Variants in EBAG9 observed in about 807,000 individuals in gnomAD.
EBAG9 encodes estrogen receptor binding site associated antigen 9.
In EBAG9, 16 loss-of-function variants were observed where a neutral mutation model predicts 30.9. The ratio of observed to expected loss-of-function variants is 0.52; its 90% CI spans 0.35 to 0.79. EBAG9 has a LOEUF of 0.79. EBAG9 is among the 30% of genes least tolerant of loss of function. The pLI is 0.01. For synonymous variants in EBAG9, 93 were observed against 82.8 expected (o/e 1.12, Z -0.67); for missense variants, 197 against 242.1 (o/e 0.81, Z 1.24).
At chr8:109,553,467 C>T (rs561369154) in intron 2 of EBAG9, among the ~76,000 whole-genome samples, 1 of 152,252 alleles carries the variant, frequency 6.6e-6, no homozygotes, top group Admixed American at 6.5e-5. Flanking sequence ...TATCAAGAAA[C>T]CCCATGTGTA....
chr8:109,560,146 A>T (rs1459706995), intron 5 of EBAG9, among the ~76,000 whole-genome samples: 1 of 152,196 alleles, frequency 6.6e-6, no homozygotes, highest in East Asian at 1.9e-4. Context: ...ACAGTCCAGC[A>T]TGACCATTTT....
chr8:109,544,300 A>G (rs966563891), intron 1 of EBAG9, among the ~76,000 whole-genome samples: 7 of 152,078 alleles, frequency 4.6e-5, no homozygotes, highest in South Asian at 2.1e-4. Flanking sequence ...GTGCTTTTTT[A>G]TTCTGGGAAA....
intron 1 of EBAG9, among the ~76,000 whole-genome samples, chr8:109,548,723 T>G (rs1370391385): frequency 6.6e-6 from 1 of 152,022 alleles, no homozygotes; most frequent in Non-Finnish European, 1.5e-5. Flanking sequence ...TTTTTATGCC[T>G]ATATAAATTT....
chr8:109,556,639 T>C (rs79728384), intron 4 of EBAG9, among the ~76,000 whole-genome samples: 2,204 of 152,204 alleles, frequency 0.014, 60 homozygotes, highest in African/African-American at 0.051. Context: ...CCTGTTGTTA[T>C]TTAATACAGT....
intron 1 of EBAG9, among the ~76,000 whole-genome samples, chr8:109,542,796 A>G (rs1008492572): frequency 9.2e-5 from 14 of 152,186 alleles, no homozygotes; most frequent in African/African-American, 2.9e-4. Flanking sequence ...AAAATACTCT[A>G]GAGAAGGGTT....
At chr8:109,563,481 A>G (rs763505736) in intron 6 of EBAG9, 1 of 1,597,576 alleles carries the variant, frequency 6.3e-7, no homozygotes, top group Admixed American at 1.7e-5. Flanking sequence ...ACCAATCAGT[A>G]AAGATAGAGA....
chr8:109,551,876 TA>T lies in EBAG9; in HGVS notation c.83+974del, dbSNP rs376025363. ...TGATTGTGGTTATTTAAGAATAAAA[TA>T]AAAATATTACTTTTTCTTTAAATGT... On this transcript the variant is annotated intron_variant, in intron 2 of 6. Coordinates refer to ENST00000337573, the MANE Select transcript of EBAG9 (RefSeq NM_004215.5). Among the ~76,000 whole-genome samples, 366 of 152,282 alleles carry T rather than the reference TA, an allele frequency of 2.4e-3. 5 individuals carry two copies. In the South Asian group the frequency reaches 0.032, roughly 13 times the overall value.
chr8:109,559,033 T>TA (rs34410229), intron 5 of EBAG9, among the ~76,000 whole-genome samples: 3 of 151,982 alleles, frequency 2.0e-5, no homozygotes, highest in African/African-American at 4.8e-5. Context: ...TTTTACTTTT[T>TA]AAAAAAAATC....
At chr8:109,553,678 A>G (rs778823414) in intron 2 of EBAG9, among the ~76,000 whole-genome samples, 187 bp from the exon 3 acceptor site, 14 of 152,226 alleles carry the variant, frequency 9.2e-5, no homozygotes, top group Admixed American at 2.0e-4. Flanking sequence ...GATTTAAAAA[A>G]CATTCACAGG....
chr8:109,552,204 G>C (rs1352448709), intron 2 of EBAG9, among the ~76,000 whole-genome samples: 1 of 151,584 alleles, frequency 6.6e-6, no homozygotes, highest in Non-Finnish European at 1.5e-5. Context: ...CTGGCTATAT[G>C]ACCATTTGAT....
intron 2 of EBAG9, 131 bp from the exon 3 acceptor site, chr8:109,553,734 G>T (rs1231305829): frequency 1.5e-6 from 1 of 671,168 alleles, no homozygotes; most frequent in Non-Finnish European, 2.4e-6. Context: ...GTGAGTAACT[G>T]TTACTAAAAT....
chr8:109,554,130 A>G (rs986484602), intron 3 of EBAG9, among the ~76,000 whole-genome samples, 187 bp downstream of exon 3: 96 of 151,910 alleles, frequency 6.3e-4, no homozygotes, highest in Admixed American at 2.6e-4. Context: ...CTTTGTTGAC[A>G]TTTTCTATTG....
intron 6 of EBAG9, among the ~76,000 whole-genome samples, chr8:109,564,228 A>G (rs1586697245): frequency 6.6e-6 from 1 of 152,134 alleles, no homozygotes; most frequent in East Asian, 1.9e-4. Context: ...AAATAGAGAT[A>G]ATATTTCTTC....
chr8:109,558,392 C>T (rs1382752717), intron 5 of EBAG9, among the ~76,000 whole-genome samples: 1 of 152,124 alleles, frequency 6.6e-6, no homozygotes, highest in East Asian at 1.9e-4. Flanking sequence ...GCTATGAACA[C>T]ATAACACCAT....
chr8:109,545,626 G>T (rs1304675537), intron 1 of EBAG9, among the ~76,000 whole-genome samples: 1 of 152,086 alleles, frequency 6.6e-6, no homozygotes, highest in Non-Finnish European at 1.5e-5. Flanking sequence ...GCCTCCCAAA[G>T]CGCTGGGACT....
chr8:109,544,959 A>G (rs946052187), intron 1 of EBAG9, among the ~76,000 whole-genome samples: 1 of 152,192 alleles, frequency 6.6e-6, no homozygotes, highest in Non-Finnish European at 1.5e-5. Flanking sequence ...AGTATACAAT[A>G]TATGCAATAC....
chr8:109,561,832 A>T (rs1335711132), intron 6 of EBAG9, among the ~76,000 whole-genome samples: 1 of 151,136 alleles, frequency 6.6e-6, no homozygotes, highest in African/African-American at 2.4e-5. Context: ...GGGTGCAGCT[A>T]AATAACTGGG....
At chr8:109,544,318 A>G (rs1213602016) in intron 1 of EBAG9, among the ~76,000 whole-genome samples, 6 of 152,216 alleles carry the variant, frequency 3.9e-5, no homozygotes, top group Admixed American at 3.9e-4. Flanking sequence ...AAAAAAAACT[A>G]TCAAATTACT....
chr8:109,560,991 T>TTG, intron 6 of EBAG9, 62 bp downstream of exon 6: 1 of 1,447,964 alleles, frequency 6.9e-7, no homozygotes, highest in Non-Finnish European at 9.6e-7. Context: ...CCCTGCTGTG[T>TTG]TTCAAGTCAA....
Sources: allele counts gnomAD v4.1 joint callset (sites outside exome capture counted in the v4.1 genomes callset), GRCh38; gene constraint gnomAD v4.1.1; transcripts MANE v1.5; gene names NCBI Gene and HGNC (gene_info 2026-07-23, HGNC 2026-07-21).